The following SORCS2 variants were observed in gnomAD, a reference collection of about 807,000 sequenced individuals.
SORCS2 encodes the protein VPS10 domain-containing receptor SorCS2.
Under a neutral mutation model 141.6 loss-of-function variants are expected in SORCS2, and 100 were observed. That is an observed-to-expected ratio of 0.71 (90% CI 0.60 to 0.83). The LOEUF is 0.83. SORCS2 is among the 40% of genes least tolerant of loss of function. SORCS2 has a pLI of 0.00. For synonymous variants in SORCS2, 789 were observed against 676.9 expected (o/e 1.17, Z -2.57); for missense variants, 1,646 against 1,560.2 (o/e 1.05, Z -0.93).
chr4:7,317,821 T>C (rs778093470), intron 1 of SORCS2, among the ~76,000 whole-genome samples: 3 of 152,120 alleles, frequency 2.0e-5, no homozygotes, highest in Non-Finnish European at 4.4e-5. Context: ...ACCTCCACCA[T>C]TCAGCTGATT....
chr4:7,261,107 T>A (rs1023163505), intron 1 of SORCS2, among the ~76,000 whole-genome samples: 1 of 152,242 alleles, frequency 6.6e-6, no homozygotes, highest in African/African-American at 2.4e-5. Context: ...GGTCAGACAC[T>A]GTGATGGGTG....
intron 1 of SORCS2, among the ~76,000 whole-genome samples, chr4:7,371,342 C>T (rs1415312877): frequency 2.0e-5 from 3 of 152,174 alleles, no homozygotes; most frequent in East Asian, 3.9e-4. Flanking sequence ...CGCTGCCGGG[C>T]CCTTCTTGAG....
chr4:7,381,367 T>G (rs1200339971), intron 1 of SORCS2, among the ~76,000 whole-genome samples: 2 of 152,124 alleles, frequency 1.3e-5, no homozygotes, highest in Non-Finnish European at 2.9e-5. Flanking sequence ...GGAGGGTGCT[T>G]CCCCAGAAGA....
chr4:7,236,776 T>A (rs893275732), intron 1 of SORCS2, among the ~76,000 whole-genome samples: 4 of 152,176 alleles, frequency 2.6e-5, no homozygotes, highest in Non-Finnish European at 4.4e-5. Flanking sequence ...AGACAGGGTT[T>A]CACCATGTTG....
chr4:7,722,517 G>A (rs961335255), intron 18 of SORCS2, among the ~76,000 whole-genome samples: 2 of 152,132 alleles, frequency 1.3e-5, no homozygotes, highest in African/African-American at 2.4e-5. Flanking sequence ...CAGCTTCCAG[G>A]GCTCCCGGCA....
intron 10 of SORCS2, among the ~76,000 whole-genome samples, chr4:7,686,027 G>A (rs1231285169): frequency 1.3e-5 from 2 of 152,178 alleles, no homozygotes; most frequent in Admixed American, 1.3e-4. Context: ...TCATACACAC[G>A]TTATGAAGTT....
chr4:7,454,141 T>A (rs1728693469), intron 2 of SORCS2, among the ~76,000 whole-genome samples: 1 of 106,682 alleles, frequency 9.4e-6, no homozygotes, highest in African/African-American at 3.8e-5. Context: ...GGTCAGGAGC[T>A]GTGTGTTGGG....
chr4:7,374,781 C>T (rs558006117), intron 1 of SORCS2, among the ~76,000 whole-genome samples: 1 of 152,266 alleles, frequency 6.6e-6, no homozygotes, highest in East Asian at 1.9e-4. Flanking sequence ...GTCACCTGGC[C>T]CCACAGCCAT....
intron 3 of SORCS2, among the ~76,000 whole-genome samples, chr4:7,596,144 A>G (rs1003827003): frequency 3.9e-5 from 6 of 152,142 alleles, no homozygotes; most frequent in African/African-American, 9.7e-5. Context: ...ACATAAGACA[A>G]TGCCACACTG....
intron 2 of SORCS2, among the ~76,000 whole-genome samples, chr4:7,463,758 G>A (rs762658283): frequency 1.6e-4 from 24 of 152,212 alleles, no homozygotes; most frequent in East Asian, 3.9e-4. Context: ...GCACCGCGCC[G>A]TGCATACTAA....
intron 3 of SORCS2, among the ~76,000 whole-genome samples, chr4:7,630,366 G>A (rs571591515): frequency 6.6e-6 from 1 of 152,308 alleles, no homozygotes; most frequent in African/African-American, 2.4e-5. Flanking sequence ...TCTGGTTGAA[G>A]AAAGCAACAA....
intron 2 of SORCS2, among the ~76,000 whole-genome samples, chr4:7,448,505 C>T (rs1183581848): frequency 7.6e-5 from 11 of 145,316 alleles, no homozygotes; most frequent in Admixed American, 5.5e-4. Flanking sequence ...CTTTCCTTTC[C>T]ATCTCCCTCC....
At chr4:7,243,561 T>C (rs1712860045) in intron 1 of SORCS2, among the ~76,000 whole-genome samples, 1 of 152,166 alleles carries the variant, frequency 6.6e-6, no homozygotes, top group African/African-American at 2.4e-5. Context: ...CTGATTCCTC[T>C]GGCATCTCAT....
chr4:7,285,536 C>T (rs569577535), intron 1 of SORCS2, among the ~76,000 whole-genome samples: 2 of 152,196 alleles, frequency 1.3e-5, no homozygotes, highest in Non-Finnish European at 2.9e-5. Context: ...TTTAATTTTC[C>T]GGTGTTCCTC....
chr4:7,589,407 G>GT (rs11386279), intron 3 of SORCS2, among the ~76,000 whole-genome samples: 102,185 of 151,862 alleles, frequency 0.67, 35,218 homozygotes, highest in Middle Eastern at 0.72. Flanking sequence ...TTGTTTGTTT[G>GT]TTTGTTTTGT....
At chr4:7,436,195 G>T (rs1727288309) in intron 2 of SORCS2, among the ~76,000 whole-genome samples, 1 of 152,212 alleles carries the variant, frequency 6.6e-6, no homozygotes, top group African/African-American at 2.4e-5. Context: ...GTGCTCAGCT[G>T]CAGGATGGCA....
intron 2 of SORCS2, among the ~76,000 whole-genome samples, chr4:7,436,897 T>C (rs1278106175): frequency 6.6e-6 from 1 of 152,204 alleles, no homozygotes; most frequent in Non-Finnish European, 1.5e-5. Flanking sequence ...GGATTGGGCA[T>C]GCGTCGTGTG....
At chr4:7,647,380 A>G (rs1392544595) in intron 4 of SORCS2, among the ~76,000 whole-genome samples, 1 of 152,206 alleles carries the variant, frequency 6.6e-6, no homozygotes. Flanking sequence ...TCATGGTACC[A>G]GGAGCGCAAA....
intron 3 of SORCS2, among the ~76,000 whole-genome samples, chr4:7,614,794 A>T (rs976032767): frequency 3.4e-4 from 51 of 150,840 alleles, no homozygotes; most frequent in Non-Finnish European, 8.8e-5. Flanking sequence ...TAATCCATTC[A>T]TCCATCCACC....
Sources: allele counts gnomAD v4.1 joint callset (sites outside exome capture counted in the v4.1 genomes callset), GRCh38; gene constraint gnomAD v4.1.1; transcripts MANE v1.5; gene names NCBI Gene and HGNC (gene_info 2026-07-23, HGNC 2026-07-21).